Variants in MBD4 observed in about 807,000 individuals in gnomAD.
MBD4 encodes the protein methyl-CpG binding domain 4, DNA glycosylase, also known as methyl-CpG-binding domain protein 4.
In MBD4, 53 loss-of-function variants were observed where a neutral mutation model predicts 60.2. That is an observed-to-expected ratio of 0.88 (90% CI 0.71 to 1.11). The LOEUF is 1.11. MBD4 is among the 50% of genes least tolerant of loss of function. The pLI, the probability that MBD4 is intolerant of heterozygous loss-of-function variation, is 0.00. For synonymous variants in MBD4, 231 were observed against 229.8 expected, an observed-to-expected ratio of 1.01 and a Z score of -0.05; for missense variants, 619 against 674.0, an observed-to-expected ratio of 0.92 and a Z score of 0.90.
intron 5 of MBD4, 123 bp downstream of exon 5, chr3:129,433,727 G>A: frequency 8.9e-7 from 1 of 1,128,616 alleles, no homozygotes; most frequent in Non-Finnish European, 1.3e-6. Context: ...GTTTAAGGGT[G>A]AAGGGGGAAT....
Position 129,436,665 on chromosome 3 carries a change from G to A in MBD4, c.979C>T (p.Gln327Ter). Residue 327 changes from glutamine (Q) to a stop codon, truncating the protein, a stop_gained, in exon 3 of 8, where the codon CAA (glutamine) becomes TAA (stop). Coordinates refer to ENST00000429544, the MANE Select transcript of MBD4 (RefSeq NM_001276270.2). LOFTEE classifies it high-confidence loss of function. The stretch of plus-strand genomic sequence containing the variant: ...TTGTTTATGATGCCAGAAGTTTTTT[G>A]TTCAGAACAAAAATTTGATCCTGAA... The part of the protein sequence containing the change: ...LSSGSNFCSE[Q>*]KTSGIINKFC... The A allele has an allele frequency of 6.2e-7, 1 of 1,613,470 alleles. No homozygotes were observed. Among genetic ancestry groups the A allele is most frequent in the Non-Finnish European group, 8.5e-7 (1 of 1,179,892 alleles).
chr3:129,432,365 C>T (rs1275522010), intron 7 of MBD4, 138 bp downstream of exon 7: 18 of 1,554,108 alleles, frequency 1.2e-5, no homozygotes, highest in African/African-American at 4.1e-5. Context: ...ACATGCCACC[C>T]GCTTCCCCGC....
Position 129,436,360 on chromosome 3 carries a change from C to G in MBD4, c.1183+101G>C, listed in dbSNP as rs2072460231. The G allele has an allele frequency of 8.3e-6, 12 of 1,440,028 alleles. No individual in the cohort carries two copies. In the Admixed American group the frequency reaches 1.9e-4, roughly 23 times the overall value. The allele number at this position is 1,440,028 out of a possible 1,614,324, so 89.2% of individuals were successfully genotyped here. A position where few individuals can be genotyped will look rare whatever the true frequency, so the allele number is the denominator to read the frequency against. On this transcript the variant is annotated intron_variant, in intron 3 of 7. Transcript: ENST00000429544. ...TCTTGGCTCTATTTTCACATCTTAACCATGTATGGGCACGAATACAAGATG... is the reference window on the plus strand; with the variant it reads ...TCTTGGCTCTATTTTCACATCTTAAGCATGTATGGGCACGAATACAAGATG...
chr3:129,437,496 A>G (rs2072489058), intron 2 of MBD4, among the ~76,000 whole-genome samples, 188 bp from the exon 3 acceptor site: 1 of 152,250 alleles, frequency 6.6e-6, no homozygotes, highest in African/African-American at 2.4e-5. Flanking sequence ...ATTTATAAAT[A>G]TAACTAAAAT....
At chr3:129,433,039 T>C in intron 6 of MBD4, 59 bp downstream of exon 6, 2 of 1,585,318 alleles carry the variant, frequency 1.3e-6, no homozygotes. Flanking sequence ...GTTTAAGGTG[T>C]GGCTCTCTTA....
chr3:129,433,660 C>A (rs1279582531), intron 5 of MBD4, 190 bp downstream of exon 5: 5 of 649,014 alleles, frequency 7.7e-6, no homozygotes, highest in Non-Finnish European at 1.3e-5. Context: ...AAATCTACCT[C>A]TTTATTCTAA....
intron 5 of MBD4, chr3:129,433,462 T>C (rs191380659): frequency 3.9e-4 from 239 of 618,704 alleles, no homozygotes; most frequent in Non-Finnish European, 5.6e-4. Context: ...GTCCAAATTA[T>C]GCTGAAAACT....
intron 1 of MBD4, among the ~76,000 whole-genome samples, chr3:129,438,271 A>G (rs1257904089): frequency 6.6e-6 from 1 of 152,224 alleles, no homozygotes; most frequent in Admixed American, 6.5e-5. Context: ...GAGAATATGA[A>G]CCAATAGCTA....
chr3:129,439,670 C>G (rs1430856522), intron 1 of MBD4, 60 bp downstream of exon 1: 1 of 1,069,270 alleles, frequency 9.4e-7, no homozygotes, highest in Non-Finnish European at 1.4e-6. Context: ...ACACTGTCCA[C>G]TCTCCCGATA....
Position 129,433,194 on chromosome 3 carries a change from C to A in MBD4, c.1447G>T (p.Glu483Ter), listed in dbSNP as rs772389783. 1 of 1,614,222 alleles carries A rather than the reference C, an allele frequency of 6.2e-7. No homozygotes were observed. Among genetic ancestry groups the A allele is most frequent in the African/African-American group, 1.3e-5 (1 of 75,056 alleles). The change falls in exon 6 of 8, where the codon GAG (glutamate) becomes TAG (stop). Residue 483 changes from glutamate (E) to a stop codon, truncating the protein, a stop_gained. Coordinates refer to ENST00000429544, the MANE Select transcript of MBD4 (RefSeq NM_001276270.2). LOFTEE classifies it high-confidence loss of function. Reference sequence around the variant, plus strand: ...CTCCAGTCTGCGGTTCTTGCTACCTCAGCTGAAGGATACTTCTCCAGAAAC... The same window carrying A: ...CTCCAGTCTGCGGTTCTTGCTACCTAAGCTGAAGGATACTTCTCCAGAAAC... Reference protein sequence around the residue: ...WKFLEKYPSAEVARTADWRDV... With the variant: ...WKFLEKYPSA
chr3:129,434,358 C>G (rs1326693019), intron 3 of MBD4, among the ~76,000 whole-genome samples: 2 of 152,194 alleles, frequency 1.3e-5, no homozygotes, highest in Non-Finnish European at 2.9e-5. Flanking sequence ...AGCTAAGTAA[C>G]TTGCTCAAGA....
Position 129,437,025 on chromosome 3 carries a change from A to T in MBD4, c.619T>A (p.Phe207Ile), listed in dbSNP as rs747095865. 2.5e-6 allele frequency: 4 copies of T among 1,614,220 alleles called. No homozygotes were observed. Among genetic ancestry groups the T allele is most frequent in the East Asian group, 4.5e-5 (2 of 44,884 alleles). The change falls in exon 3 of 8, where the codon TTT becomes ATT. Residue 207 changes from phenylalanine to isoleucine, a missense_variant. By Grantham distance (21) the Phe-to-Ile change is conservative. Coordinates refer to ENST00000429544, the MANE Select transcript of MBD4 (RefSeq NM_001276270.2). ...ELQESRGLSN[F>I]TSTHLLLKED... is the part of the protein sequence containing the mutation. ...TTCAAAAGCAAATGAGTGGAAGTAA[A>T]GTTAGAGAGTCCTCTGCTCTCCTGC...
At chr3:129,433,333 A>C in intron 5 of MBD4, 86 bp from the exon 6 acceptor site, 1 of 1,452,566 alleles carries the variant, frequency 6.9e-7, no homozygotes, top group Non-Finnish European at 9.5e-7. Flanking sequence ...AATCTCATCC[A>C]GAGGGTTTTT....
In MBD4 at chr3:129,432,476, T is replaced by C. The variant is rs781229246; in HGVS notation, c.1647+27A>G. On this transcript the variant is annotated intron_variant, in intron 7 of 7. Coordinates refer to ENST00000429544, the MANE Select transcript of MBD4 (RefSeq NM_001276270.2). ...ATTTTGCCTCAGAGACCAAATGTGC[T>C]GAATTATGGATGGGAGTGAGCCTCA... is the stretch of plus-strand genomic sequence containing the variant. 3.1e-6 allele frequency: 5 copies of C among 1,614,088 alleles called. No homozygotes were observed. In the Admixed American group the frequency reaches 8.3e-5, roughly 27 times the overall value.
In MBD4 at chr3:129,432,556, C is replaced by T; in HGVS notation, c.1594G>A (p.Gly532Ser). Residue 532 changes from glycine to serine, a missense_variant, in exon 7 of 8, where the codon GGT (glycine) becomes AGT (serine). Coordinates refer to ENST00000429544, the MANE Select transcript of MBD4 (RefSeq NM_001276270.2). ...WKYPIELHGI[G>S]KYGNDSYRIF... is the part of the protein sequence containing the mutation. ...CGGTAAGAGTCGTTGCCATATTTAC[C>T]AATCCCATGAAGCTCAATTGGATAC... is the stretch of plus-strand genomic sequence containing the variant. 1 of 1,614,230 alleles carries T rather than the reference C, an allele frequency of 6.2e-7. No individual in the cohort carries two copies.
chr3:129,431,542 C>G lies in MBD4; in HGVS notation c.1684G>C (p.Asp562His), dbSNP rs2307293. Residue 562 changes from aspartate to histidine, a missense_variant, in exon 8 of 8, where the codon GAC becomes CAC. Physicochemically the swap from Asp to His is moderately conservative, Grantham distance 81. Coordinates refer to ENST00000429544, the MANE Select transcript of MBD4 (RefSeq NM_001276270.2). Reference sequence around the variant, plus strand: ...TTTTCATGATTTTCCCAAAGCCAGTCATGATATTTATTTAATTTGTGGTCT... The same window carrying G: ...TTTTCATGATTTTCCCAAAGCCAGTGATGATATTTATTTAATTTGTGGTCT... ...PEDHKLNKYH[D>H]WLWENHEKLS... 11,588 of 1,613,132 alleles carry G rather than the reference C, an allele frequency of 7.2e-3. 71 individuals carry two copies. Among genetic ancestry groups the G allele is most frequent in the South Asian group, 0.011 (1,005 of 91,052 alleles).
Position 129,437,800 on chromosome 3 carries a change from A to G in MBD4, c.255T>C (p.Ser85=), listed in dbSNP as rs535818753. ...CAACTCTTTCCCATCCACATGGGACAGACTTACGGCATTCTGTTCCTGCAG... is the reference window on the plus strand; with the variant it reads ...CAACTCTTTCCCATCCACATGGGACGGACTTACGGCATTCTGTTCCTGCAG... The part of the protein sequence containing the change: ...GATAGTECRK[S]VPCGWERVVK... The change falls in exon 2 of 8, where the codon TCT becomes TCC. Residue 85 remains serine, a synonymous_variant. Coordinates refer to ENST00000429544, the MANE Select transcript of MBD4 (RefSeq NM_001276270.2). 5 of 1,614,212 alleles carry G rather than the reference A, an allele frequency of 3.1e-6. No homozygotes were observed. The South Asian group carries it at 5.5e-5, about 18-fold the overall frequency.
At chr3:129,438,925 C>A (rs1414853197) in intron 1 of MBD4, among the ~76,000 whole-genome samples, 4 of 151,826 alleles carry the variant, frequency 2.6e-5, no homozygotes, top group African/African-American at 9.7e-5. Flanking sequence ...CAGAGCGAGA[C>A]CTCATCTCAA....
In MBD4 at chr3:129,439,776, C is replaced by T; in HGVS notation, c.58G>A (p.Val20Ile). ...SLGDRGAAPT[V>I]TSSERLVPDP... is the part of the protein sequence containing the mutation. The stretch of plus-strand genomic sequence containing the variant: ...GGGACTAGGCGCTCACTAGAGGTGA[C>T]GGTGGGGGCAGCTCCGCGGTCCCCC... The change falls in exon 1 of 8, where the codon GTC (valine) becomes ATC (isoleucine). Residue 20 changes from valine (V) to isoleucine (I), a missense_variant. By Grantham distance (29) the Val-to-Ile change is conservative. Transcript: ENST00000429544. 1.2e-6 allele frequency: 2 copies of T among 1,608,374 alleles called. No homozygotes were observed. The highest frequency in any genetic ancestry group is 2.2e-5 in the South Asian group (2 of 89,698).
Sources: allele counts gnomAD v4.1 joint callset (sites outside exome capture counted in the v4.1 genomes callset), GRCh38; gene constraint gnomAD v4.1.1; transcripts MANE v1.5; gene names NCBI Gene and HGNC (gene_info 2026-07-23, HGNC 2026-07-21).